Variants in ABCC12 observed in about 807,000 individuals in gnomAD.
ABCC12 encodes ATP binding cassette subfamily C member 12, also known as ATP-binding cassette sub-family C member 12.
ABCC12 carries 142 observed loss-of-function variants against 151.1 expected under a neutral mutation model. That is an observed-to-expected ratio of 0.94 (90% CI 0.82 to 1.08). The LOEUF (loss-of-function observed/expected upper bound fraction) is 1.08, where lower values mean the gene tolerates loss of function less well. ABCC12 is among the 50% of genes least tolerant of loss of function. The pLI, the probability that ABCC12 is intolerant of heterozygous loss-of-function variation, is 0.00. For synonymous variants in ABCC12, 645 were observed against 646.4 expected, an observed-to-expected ratio of 1.00 and a Z score of 0.03; for missense variants, 1,638 against 1,691.1, an observed-to-expected ratio of 0.97 and a Z score of 0.55.
intron 4 of ABCC12, among the ~76,000 whole-genome samples, chr16:48,142,847 G>A (rs982182357): frequency 6.6e-6 from 1 of 152,128 alleles, no homozygotes; most frequent in Non-Finnish European, 1.5e-5. Context: ...ATCTGTGAGT[G>A]GGGGGTAAGA....
Position 48,083,610 on chromosome 16 carries a change from C to A in ABCC12, c.*105G>T. ...CAGCTCACTCCGTGGATGGGAGGGGCTGAAGACCAGGGCTGCCTGCGGAGA... is the reference window on the plus strand; with the variant it reads ...CAGCTCACTCCGTGGATGGGAGGGGATGAAGACCAGGGCTGCCTGCGGAGA... On this transcript the variant is annotated 3_prime_UTR_variant, in exon 31 of 31. Transcript: ENST00000311303. The A allele has an allele frequency of 8.5e-7, 1 of 1,180,464 alleles. No homozygotes were observed. The highest frequency in any genetic ancestry group is 2.1e-4 in the Middle Eastern group (1 of 4,792). The allele number at this position is 1,180,464 out of a possible 1,614,324, so 73.1% of individuals were successfully genotyped here. A position where few individuals can be genotyped will look rare whatever the true frequency, so the allele number is the denominator to read the frequency against.
chr16:48,083,878 G>C (rs1407078638), intron 30 of ABCC12, 31 bp downstream of exon 30: 11 of 1,612,592 alleles, frequency 6.8e-6, no homozygotes, highest in African/African-American at 1.3e-5. Context: ...TGGACTTTCT[G>C]GGGAGGTGAA....
rs372440076 is a variant in ABCC12, at chr16:48,124,871, A to C, written c.1516-587T>G. ...AATGAACACAACAGGCAATGGCCTG[A>C]GTCTACCCTCATAGAACTTACCTTG... is the stretch of plus-strand genomic sequence containing the variant. On this transcript the variant is annotated intron_variant, in intron 11 of 30. Coordinates refer to ENST00000311303, the MANE Select transcript of ABCC12 (RefSeq NM_001393797.1). Among the ~76,000 whole-genome samples, 3 of 152,220 alleles carry C rather than the reference A, an allele frequency of 2.0e-5. No homozygotes were observed. The East Asian group carries it at 5.8e-4, about 29-fold the overall frequency.
At position 48,100,904 on chromosome 16, in the gene ABCC12, G is replaced by A. The variant is rs752517040; in HGVS notation, c.3006C>T (p.His1002=). ...TGCAGCTCTCCTTCTTGCCATAGGCGTGAATGATGCCCAGGCCCTGCATGG... is the reference window on the plus strand; with the variant it reads ...TGCAGCTCTCCTTCTTGCCATAGGCATGAATGATGCCCAGGCCCTGCATGG... The part of the protein sequence containing the change: ...TSSMQGLGII[H]AYGKKESCIT... Residue 1002 remains histidine (H), a synonymous_variant, in exon 23 of 31, where the codon CAC becomes CAT. Transcript: ENST00000311303. 190 of 1,614,068 alleles carry A rather than the reference G, an allele frequency of 1.2e-4. No individual in the cohort carries two copies. The highest frequency in any genetic ancestry group is 4.5e-4 in the East Asian group (20 of 44,888).
chr16:48,151,410 A>C (rs1050152976), intron 2 of ABCC12, among the ~76,000 whole-genome samples: 1 of 152,246 alleles, frequency 6.6e-6, no homozygotes, highest in Non-Finnish European at 1.5e-5. Context: ...AGACCTGACA[A>C]CTACCTGTGA....
At chr16:48,134,590 TG>T (rs1003250103) in intron 8 of ABCC12, among the ~76,000 whole-genome samples, 1 of 152,198 alleles carries the variant, frequency 6.6e-6, no homozygotes, top group African/African-American at 2.4e-5. Context: ...CTGCAGTTTT[TG>T]TTCTAAATTT....
chr16:48,136,551 G>A (rs755178470), intron 8 of ABCC12, among the ~76,000 whole-genome samples: 3 of 152,114 alleles, frequency 2.0e-5, no homozygotes, highest in Non-Finnish European at 2.9e-5. Context: ...ACAGGGTCTC[G>A]GCCCTCTTCC....
At chr16:48,147,395 G>T (rs1965038747) in intron 2 of ABCC12, among the ~76,000 whole-genome samples, 1 of 152,092 alleles carries the variant, frequency 6.6e-6, no homozygotes, top group African/African-American at 2.4e-5. Flanking sequence ...TGTTGAGTTG[G>T]TCTCTGCCAC....
At position 48,096,899 on chromosome 16, in the gene ABCC12, G is replaced by A. The variant is rs748127550; in HGVS notation, c.3042C>T (p.His1014=). The A allele has an allele frequency of 2.5e-6, 4 of 1,614,190 alleles. No homozygotes were observed. The South Asian group carries it at 3.3e-5, about 13-fold the overall frequency. The change falls in exon 24 of 31, where the codon CAC becomes CAT. Residue 1014 remains histidine (H), a synonymous_variant. Coordinates refer to ENST00000311303, the MANE Select transcript of ABCC12 (RefSeq NM_001393797.1). Reference sequence around the variant, plus strand: ...TGAGAGCACAGTTAAAGTAGAGGAGGTGACTGGAGTTTTCGTCGTTTAGCG... The same window carrying A: ...TGAGAGCACAGTTAAAGTAGAGGAGATGACTGGAGTTTTCGTCGTTTAGCG... ...YGKKESCITY[H]LLYFNCALRW... is the part of the protein sequence containing the mutation.
chr16:48,134,479 C>A (rs1287081470), intron 8 of ABCC12, among the ~76,000 whole-genome samples: 3 of 152,180 alleles, frequency 2.0e-5, no homozygotes, highest in Admixed American at 2.0e-4. Context: ...TATATCTTAA[C>A]ATATGTCCTT....
At chr16:48,102,431 C>T (rs1963339073) in intron 22 of ABCC12, among the ~76,000 whole-genome samples, 1 of 152,226 alleles carries the variant, frequency 6.6e-6, no homozygotes, top group Non-Finnish European at 1.5e-5. Context: ...TTTAATAAAT[C>T]TCTGCTTTTG....
intron 2 of ABCC12, among the ~76,000 whole-genome samples, chr16:48,153,384 A>ATT (rs11379823): frequency 6.6e-6 from 1 of 151,746 alleles, no homozygotes; most frequent in African/African-American, 2.4e-5. Flanking sequence ...AAAGGGGATG[A>ATT]TTTTTTTTTC....
chr16:48,152,501 C>T (rs1270901300), intron 2 of ABCC12, among the ~76,000 whole-genome samples: 1 of 152,190 alleles, frequency 6.6e-6, no homozygotes, highest in Non-Finnish European at 1.5e-5. Flanking sequence ...CACTGCCCTG[C>T]CCTTGGTAAC....
chr16:48,119,252 G>A lies in ABCC12; in HGVS notation c.1713-1919C>T, dbSNP rs571814689. ...GATCTCTGCTGCCTTGGAACAATCC[G>A]AGCACGGTCTACTGCCACCTGGCTC... On this transcript the variant is annotated intron_variant, in intron 13 of 30. Coordinates refer to ENST00000311303, the MANE Select transcript of ABCC12 (RefSeq NM_001393797.1). Among the ~76,000 whole-genome samples the A allele has an allele frequency of 3.3e-4, 50 of 152,298 alleles. No individual in the cohort carries two copies. The South Asian group carries it at 3.5e-3, about 11-fold the overall frequency.
Position 48,146,560 on chromosome 16 carries a change from C to T in ABCC12, c.-50-86G>A, listed in dbSNP as rs944990420. ...GCCTCTACTTTACCCAGATCAGTTCCTTTGCTTTGACCCCTGAGAACTGTT... is the reference window on the plus strand; with the variant it reads ...GCCTCTACTTTACCCAGATCAGTTCTTTTGCTTTGACCCCTGAGAACTGTT... On this transcript the variant is annotated intron_variant, in intron 2 of 30. Transcript: ENST00000311303. 11 of 694,474 alleles carry T rather than the reference C, an allele frequency of 1.6e-5. No homozygotes were observed. In the African/African-American group the frequency reaches 2.0e-4, roughly 12 times the overall value. 43.0% of individuals were successfully genotyped at this position (694,474 alleles called of 1,614,324 possible).
chr16:48,089,949 A>G (rs1962808637), intron 25 of ABCC12, among the ~76,000 whole-genome samples: 1 of 151,820 alleles, frequency 6.6e-6, no homozygotes, highest in African/African-American at 2.4e-5. Context: ...TTAAATTTGT[A>G]CAAACTCAAG....
Position 48,140,881 on chromosome 16 carries a change from T to C in ABCC12, c.463A>G (p.Thr155Ala). ...IHQILQQTER[T>A]SGKVWVGIGL... ...ATGCCAACCCAGACTTTCCCAGAGGTCCTCTCAGTCTGCTGGAGGATTTGG... is the reference window on the plus strand; with the variant it reads ...ATGCCAACCCAGACTTTCCCAGAGGCCCTCTCAGTCTGCTGGAGGATTTGG... The change falls in exon 6 of 31, where the codon ACC (threonine) becomes GCC (alanine). Residue 155 changes from threonine to alanine, a missense_variant. Coordinates refer to ENST00000311303, the MANE Select transcript of ABCC12 (RefSeq NM_001393797.1). 6.2e-7 allele frequency: 1 copy of C among 1,613,866 alleles called. No homozygotes were observed. The highest frequency in any genetic ancestry group is 8.5e-7 in the Non-Finnish European group (1 of 1,179,954).
rs114398475 is a variant in ABCC12 at position 48,135,739 on chromosome 16, T to A, written c.980-1904A>T. ...TGTATGGGGAGAAATAAAACACATG[T>A]GCTGGCCTGAAGGCACCTGCCTGGT... On this transcript the variant is annotated intron_variant, in intron 8 of 30. Coordinates refer to ENST00000311303, the MANE Select transcript of ABCC12 (RefSeq NM_001393797.1). Among the ~76,000 whole-genome samples the A allele has an allele frequency of 4.9e-3, 744 of 152,276 alleles. 6 individuals are homozygous for A. Among genetic ancestry groups the A allele is most frequent in the African/African-American group, 0.017 (695 of 41,542 alleles).
chr16:48,095,902 G>C (rs913042832), intron 24 of ABCC12, among the ~76,000 whole-genome samples: 46 of 152,104 alleles, frequency 3.0e-4, no homozygotes, highest in Non-Finnish European at 4.6e-4. Context: ...TGTCAAAAAA[G>C]TTTCCAAAGA....
Sources: gnomAD v4.1 joint callset for allele counts (sites outside exome capture counted in the v4.1 genomes callset) on GRCh38, gnomAD v4.1.1 for gene constraint, MANE v1.5 for transcripts, NCBI Gene and HGNC (gene_info 2026-07-23, HGNC 2026-07-21) for gene names.